ACOXL: variants seen among roughly 807,000 people sequenced by gnomAD.
ACOXL encodes acyl-coenzyme A oxidase-like protein.
In ACOXL, 70 loss-of-function variants were observed where a neutral mutation model predicts 71.9. The observed-to-expected ratio is 0.97, with a 90% CI of 0.80 to 1.19. ACOXL has a LOEUF of 1.19. Ranked by LOEUF, ACOXL falls within the 50% of genes most tolerant of loss-of-function variation. The probability of loss-of-function intolerance (pLI) is 0.00; values close to 1 mark genes in which losing one functional copy is unlikely to be tolerated. For missense variants in ACOXL, 703 were observed against 736.3 expected, an observed-to-expected ratio of 0.95 and a Z score of 0.52; for synonymous variants, 253 against 281.6, an observed-to-expected ratio of 0.90 and a Z score of 1.02.
intron 2 of ACOXL, among the ~76,000 whole-genome samples, chr2:110,777,110 G>C (rs1035629702): frequency 6.6e-6 from 1 of 152,152 alleles, no homozygotes; most frequent in African/African-American, 2.4e-5. Flanking sequence ...GAGATGTTAG[G>C]TTAAATCTGG....
intron 15 of ACOXL, among the ~76,000 whole-genome samples, chr2:111,033,743 G>A (rs2065381086): frequency 6.6e-6 from 1 of 152,202 alleles, no homozygotes; most frequent in Admixed American, 6.5e-5. Context: ...AGGCGACTGT[G>A]TCTTGGGCCT....
At chr2:111,037,554 C>G (rs1269500842) in intron 15 of ACOXL, among the ~76,000 whole-genome samples, 2 of 152,188 alleles carry the variant, frequency 1.3e-5, no homozygotes, top group African/African-American at 4.8e-5. Context: ...ACACAGCCAT[C>G]TGTGTAATAA....
At chr2:111,020,950 C>G (rs2064727261) in intron 14 of ACOXL, among the ~76,000 whole-genome samples, 1 of 152,196 alleles carries the variant, frequency 6.6e-6, no homozygotes, top group Non-Finnish European at 1.5e-5. Flanking sequence ...GTCCTGGTTG[C>G]TGGACCCATT....
intron 9 of ACOXL, among the ~76,000 whole-genome samples, chr2:110,827,737 A>G (rs1340051077): frequency 2.0e-5 from 3 of 151,986 alleles, no homozygotes; most frequent in Admixed American, 2.0e-4. Flanking sequence ...CTGGAAAGGA[A>G]GGTGGTTGGG....
At chr2:110,875,062 G>A (rs766186927) in intron 10 of ACOXL, among the ~76,000 whole-genome samples, 17 of 152,122 alleles carry the variant, frequency 1.1e-4, no homozygotes, top group African/African-American at 2.9e-4. Flanking sequence ...ACGTGGCTCC[G>A]CTCCGTAACC....
Position 110,741,028 on chromosome 2 carries a change from T to C in ACOXL, c.-23+8254T>C, listed in dbSNP as rs574621030. 1.6e-4 allele frequency among the ~76,000 whole-genome samples: 24 copies of C among 152,310 alleles called. No individual in the cohort carries two copies. The South Asian group carries it at 2.5e-3, about 16-fold the overall frequency. On this transcript the variant is annotated intron_variant, in intron 1 of 17. Transcript: ENST00000439055. ...ACAAAGGCTTAAGGAGGAAGTGACT[T>C]ACTCAAGTGTCATTCTCTTTTCTCT...
chr2:111,025,891 A>G (rs1316615564), intron 14 of ACOXL, among the ~76,000 whole-genome samples: 1 of 152,246 alleles, frequency 6.6e-6, no homozygotes, highest in East Asian at 1.9e-4. Context: ...TAGTGTTTAC[A>G]TTTAGGTCTA....
At chr2:110,982,264 C>T (rs2062740459) in intron 12 of ACOXL, among the ~76,000 whole-genome samples, 1 of 152,002 alleles carries the variant, frequency 6.6e-6, no homozygotes, top group African/African-American at 2.4e-5. Context: ...CAAGTCAAAT[C>T]CGTGTTTAAG....
chr2:111,040,828 G>A (rs62163298), intron 15 of ACOXL, among the ~76,000 whole-genome samples: 8,663 of 152,210 alleles, frequency 0.057, 330 homozygotes, highest in Non-Finnish European at 0.081. Context: ...TGGTGTGGTC[G>A]GGGTGTAGGG....
At chr2:110,846,675 A>ACACACACACACACT (rs1691915185) in intron 10 of ACOXL, among the ~76,000 whole-genome samples, 1 of 151,514 alleles carries the variant, frequency 6.6e-6, no homozygotes, top group Admixed American at 6.6e-5. Flanking sequence ...ACACACACAC[A>ACACACACACACACT]GTGTAACACA....
At position 111,007,787 on chromosome 2, in the gene ACOXL, G is replaced by A. The variant is rs544211023; in HGVS notation, c.1281+11783G>A. Among the ~76,000 whole-genome samples, 23 of 152,298 alleles carry A rather than the reference G, an allele frequency of 1.5e-4. No homozygotes were observed. In the South Asian group the frequency reaches 4.6e-3, roughly 30 times the overall value. ...ACCCAAAGCTATGAAGTAAACTCAC[G>A]TATATTAACTCACGCATTTGCACAC... is the stretch of plus-strand genomic sequence containing the variant. On this transcript the variant is annotated intron_variant, in intron 14 of 17. Transcript: ENST00000439055.
intron 10 of ACOXL, among the ~76,000 whole-genome samples, chr2:110,872,311 G>A (rs1395425392): frequency 6.6e-6 from 1 of 152,166 alleles, no homozygotes; most frequent in Non-Finnish European, 1.5e-5. Flanking sequence ...CAAGAGGAGG[G>A]GACATAGAGG....
chr2:111,023,365 C>A (rs1005321910), intron 14 of ACOXL, among the ~76,000 whole-genome samples: 3 of 152,176 alleles, frequency 2.0e-5, no homozygotes, highest in African/African-American at 7.2e-5. Context: ...AAGGTGGAAG[C>A]AGAAATGATG....
At position 111,085,502 on chromosome 2, in the gene ACOXL, C is replaced by T. The variant is rs1176884754; in HGVS notation, c.1441-7363C>T. ...TTCTGAGTAAACAATGAAATTAAGG[C>T]AGATTTCAAGAAGTTCTTTGAAACT... On this transcript the variant is annotated intron_variant, in intron 16 of 17. Coordinates refer to ENST00000439055, the MANE Select transcript of ACOXL (RefSeq NM_001142807.4). Among the ~76,000 whole-genome samples the T allele has an allele frequency of 2.6e-5, 4 of 152,092 alleles. No individual in the cohort carries two copies. In the East Asian group the frequency reaches 7.7e-4, roughly 29 times the overall value.
chr2:110,815,325 C>G (rs2105454739), intron 9 of ACOXL, among the ~76,000 whole-genome samples: 1 of 152,270 alleles, frequency 6.6e-6, no homozygotes, highest in African/African-American at 2.4e-5. Context: ...GGAAACACAG[C>G]CAAACCATGT....
chr2:110,786,956 T>G (rs1391768085), intron 3 of ACOXL, among the ~76,000 whole-genome samples: 1 of 152,152 alleles, frequency 6.6e-6, no homozygotes, highest in East Asian at 1.9e-4. Context: ...TAGGGCTATG[T>G]TTTTAAAAAG....
chr2:110,733,891 A>G (rs1676507565), intron 1 of ACOXL, among the ~76,000 whole-genome samples: 1 of 152,224 alleles, frequency 6.6e-6, no homozygotes. Flanking sequence ...GCGGTTCATG[A>G]GTACAAACTG....
At chr2:110,734,394 G>A (rs1405708990) in intron 1 of ACOXL, among the ~76,000 whole-genome samples, 3 of 151,744 alleles carry the variant, frequency 2.0e-5, no homozygotes, top group South Asian at 2.1e-4. Flanking sequence ...CTCAGCCTCC[G>A]GAGTAGCTGA....
intron 15 of ACOXL, among the ~76,000 whole-genome samples, chr2:111,048,393 C>G (rs185457487): frequency 6.6e-6 from 1 of 152,288 alleles, no homozygotes. Context: ...TTAGTAAAAG[C>G]CTTAATGCGT....
Sources: gnomAD v4.1 joint callset for allele counts (sites outside exome capture counted in the v4.1 genomes callset) on GRCh38, gnomAD v4.1.1 for gene constraint, MANE v1.5 for transcripts, NCBI Gene and HGNC (gene_info 2026-07-23, HGNC 2026-07-21) for gene names.